Variants in HSPB8 observed in about 807,000 individuals in gnomAD.
HSPB8 encodes the protein heat shock protein family B (small) member 8, also known as heat shock protein beta-8.
Under a neutral mutation model 16.5 loss-of-function variants are expected in HSPB8, and 9 were observed. The ratio of observed to expected loss-of-function variants is 0.55; its 90% CI spans 0.33 to 0.95. The LOEUF (loss-of-function observed/expected upper bound fraction) is 0.95, where lower values mean the gene tolerates loss of function less well. HSPB8 is among the 40% of genes least tolerant of loss of function. HSPB8 has a pLI of 0.03. For missense variants in HSPB8, 238 were observed against 251.2 expected, an observed-to-expected ratio of 0.95 and a Z score of 0.35; for synonymous variants, 99 against 94.8, an observed-to-expected ratio of 1.04 and a Z score of -0.26.
chr12:119,192,323 C>A (rs1302208310), intron 2 of HSPB8, among the ~76,000 whole-genome samples: 1 of 152,070 alleles, frequency 6.6e-6, no homozygotes, highest in African/African-American at 2.4e-5. Context: ...CATCCTCTTA[C>A]AATACTCCAA....
chr12:119,193,645 A>G (rs537940444), intron 2 of HSPB8, 54 bp from the exon 3 acceptor site: 2 of 1,572,110 alleles, frequency 1.3e-6, no homozygotes, highest in Non-Finnish European at 1.8e-6. Context: ...GAATAAAAGA[A>G]TGTTTAAGCA....
chr12:119,189,520 T>C (rs1430040465), intron 2 of HSPB8, among the ~76,000 whole-genome samples: 1 of 152,086 alleles, frequency 6.6e-6, no homozygotes, highest in African/African-American at 2.4e-5. Context: ...AATTTTTCCA[T>C]GGACTGGGGA....
intron 1 of HSPB8, among the ~76,000 whole-genome samples, chr12:119,184,670 A>T (rs908319730): frequency 6.6e-6 from 1 of 152,214 alleles, no homozygotes; most frequent in Non-Finnish European, 1.5e-5. Flanking sequence ...GCTGAGAGCA[A>T]TTTAGGAACA....
At chr12:119,181,246 G>A (rs1954635139) in intron 1 of HSPB8, among the ~76,000 whole-genome samples, 1 of 152,178 alleles carries the variant, frequency 6.6e-6, no homozygotes, top group Non-Finnish European at 1.5e-5. Flanking sequence ...CCTGTCACAT[G>A]CCCAAGGTGG....
At position 119,178,963 on chromosome 12, in the gene HSPB8, T is replaced by G; in HGVS notation, c.-350T>G. The stretch of plus-strand genomic sequence containing the variant: ...GTTTCTAGGCGCGCGTGCCCTGGGT[T>G]TATTAAGCTCCTGGCTCCGCTCTAG... On this transcript the variant is annotated 5_prime_UTR_variant, in exon 1 of 3. Coordinates refer to ENST00000281938, the MANE Select transcript of HSPB8 (RefSeq NM_014365.3). 2 of 372,534 alleles carry G rather than the reference T, an allele frequency of 5.4e-6. No homozygotes were observed. Among genetic ancestry groups the G allele is most frequent in the Non-Finnish European group, 1.0e-5 (2 of 198,444 alleles). The allele number at this position is 372,534 out of a possible 1,614,324, so 23.1% of individuals were successfully genotyped here. A position where few individuals can be genotyped will look rare whatever the true frequency, so the allele number is the denominator to read the frequency against.
At chr12:119,193,033 A>C (rs1339825325) in intron 2 of HSPB8, among the ~76,000 whole-genome samples, 2 of 152,224 alleles carry the variant, frequency 1.3e-5, no homozygotes, top group Non-Finnish European at 2.9e-5. Flanking sequence ...CTACAATTCA[A>C]TATGAGATTT....
At chr12:119,184,798 C>T (rs533012509) in intron 1 of HSPB8, among the ~76,000 whole-genome samples, 3 of 152,282 alleles carry the variant, frequency 2.0e-5, no homozygotes, top group Admixed American at 1.3e-4. Context: ...ACGAAGTTCT[C>T]GCCAACGTTG....
At chr12:119,182,849 C>G (rs1349790186) in intron 1 of HSPB8, 3 of 152,048 alleles carry the variant, frequency 2.0e-5, no homozygotes, top group African/African-American at 7.3e-5. Flanking sequence ...GATAAGGAAG[C>G]CGAGGCCCAG....
intron 2 of HSPB8, among the ~76,000 whole-genome samples, chr12:119,189,315 GT>G (rs1954697190): frequency 6.6e-6 from 1 of 151,190 alleles, no homozygotes; most frequent in Non-Finnish European, 1.5e-5. Flanking sequence ...GTGTGTGTGT[GT>G]GTGTGTGTGT....
intron 1 of HSPB8, among the ~76,000 whole-genome samples, chr12:119,184,406 A>G (rs1954660105): frequency 6.6e-6 from 1 of 152,196 alleles, no homozygotes; most frequent in South Asian, 2.1e-4. Context: ...AGCATGCAGG[A>G]GGATTCTAGG....
chr12:119,185,928 A>G (rs901068674), intron 1 of HSPB8, among the ~76,000 whole-genome samples: 19 of 152,232 alleles, frequency 1.2e-4, no homozygotes, highest in African/African-American at 4.6e-4. Flanking sequence ...CTAGATTTCA[A>G]GGCCCCTCAG....
At position 119,179,398 on chromosome 12, in the gene HSPB8, G is replaced by C; in HGVS notation, c.86G>C (p.Arg29Pro). ...DPFRDSPLSS[R>P]LLDDGFGMDP... ...TTCCGGGACTCTCCCCTCTCCTCTCGCCTGCTGGATGATGGCTTTGGCATG... is the reference window on the plus strand; with the variant it reads ...TTCCGGGACTCTCCCCTCTCCTCTCCCCTGCTGGATGATGGCTTTGGCATG... Residue 29 changes from arginine (R) to proline (P), a missense_variant, in exon 1 of 3, where the codon CGC becomes CCC. Transcript: ENST00000281938. 6.2e-7 allele frequency: 1 copy of C among 1,614,006 alleles called. No homozygotes were observed. Among genetic ancestry groups the C allele is most frequent in the Non-Finnish European group, 8.5e-7 (1 of 1,179,998 alleles).
At chr12:119,187,159 G>A (rs1179073348) in intron 2 of HSPB8, 71 bp downstream of exon 2, 2 of 1,252,634 alleles carry the variant, frequency 1.6e-6, no homozygotes, top group Non-Finnish European at 1.2e-6. Context: ...CCATGATCTG[G>A]GGTCTCTCCC....
chr12:119,185,057 G>T (rs1954665931), intron 1 of HSPB8, among the ~76,000 whole-genome samples: 1 of 151,922 alleles, frequency 6.6e-6, no homozygotes, highest in Non-Finnish European at 1.5e-5. Context: ...ACATAGAAAA[G>T]TCGGAACATA....
At position 119,193,928 on chromosome 12, in the gene HSPB8, T is replaced by G; in HGVS notation, c.*70T>G. 1 of 1,533,504 alleles carries G rather than the reference T, an allele frequency of 6.5e-7. No homozygotes were observed. The highest frequency in any genetic ancestry group is 9.0e-7 in the Non-Finnish European group (1 of 1,108,280). 95.0% of individuals were successfully genotyped at this position (1,533,504 alleles called of 1,614,324 possible). ...CTTCTCTGATTCCAGGATACATTAC[T>G]TTAGCTGAACTCAGATTTAGTGCAA... is the stretch of plus-strand genomic sequence containing the variant. On this transcript the variant is annotated 3_prime_UTR_variant, in exon 3 of 3. Transcript: ENST00000281938.
intron 1 of HSPB8, among the ~76,000 whole-genome samples, chr12:119,180,825 A>C (rs1352608029): frequency 1.3e-5 from 2 of 152,186 alleles, no homozygotes; most frequent in Non-Finnish European, 2.9e-5. Context: ...GGGCAGGAAC[A>C]AGCCCCAGCA....
In HSPB8 at chr12:119,189,668, C is replaced by T. The variant is rs147367708; in HGVS notation, c.431+2580C>T. ...ATGCCACTGCTGATCTGACAGGAGG[C>T]GGAGCTCAGGCAGTAATGCTGGCTG... is the stretch of plus-strand genomic sequence containing the variant. On this transcript the variant is annotated intron_variant, in intron 2 of 2. Transcript: ENST00000281938. 6.1e-3 allele frequency among the ~76,000 whole-genome samples: 930 copies of T among 152,264 alleles called. 14 individuals carry two copies. The highest frequency in any genetic ancestry group is 0.021 in the African/African-American group (882 of 41,548).
At chr12:119,188,163 A>G (rs554301666) in intron 2 of HSPB8, among the ~76,000 whole-genome samples, 5 of 151,986 alleles carry the variant, frequency 3.3e-5, no homozygotes, top group African/African-American at 9.7e-5. Flanking sequence ...CAGGTGCTTC[A>G]TACATACCTT....
Position 119,179,578 on chromosome 12 carries a change from C to G in HSPB8, c.266C>G (p.Pro89Arg), listed in dbSNP as rs35909818. ...GTGCCTGCCGAGGGCAGGACCCCCCCACCCTTCCCTGGGGAGCCCTGGAAA... is the reference window on the plus strand; with the variant it reads ...GTGCCTGCCGAGGGCAGGACCCCCCGACCCTTCCCTGGGGAGCCCTGGAAA... ...FGVPAEGRTP[P>R]PFPGEPWKVC... Residue 89 changes from proline to arginine, a missense_variant, in exon 1 of 3, where the codon CCA (proline) becomes CGA (arginine). Pro to Arg is a moderately radical substitution (Grantham distance 103). Transcript: ENST00000281938. 620 of 1,612,080 alleles carry G rather than the reference C, an allele frequency of 3.8e-4. No individual in the cohort carries two copies. Among genetic ancestry groups the G allele is most frequent in the Non-Finnish European group, 4.8e-4 (567 of 1,178,898 alleles).
Sources: gnomAD v4.1 joint callset for allele counts (sites outside exome capture counted in the v4.1 genomes callset) on GRCh38, gnomAD v4.1.1 for gene constraint, MANE v1.5 for transcripts, NCBI Gene and HGNC (gene_info 2026-07-23, HGNC 2026-07-21) for gene names.